The following REV1 variants were observed in gnomAD, a reference collection of about 807,000 sequenced individuals.
REV1 encodes REV1 DNA directed polymerase.
In REV1, 42 loss-of-function variants were observed where a neutral mutation model predicts 137.4. That is an observed-to-expected ratio of 0.31 (90% CI 0.24 to 0.40). The LOEUF is 0.40. Ranked by LOEUF, REV1 falls within the 10% of genes least tolerant of loss-of-function variation. The pLI, the probability that REV1 is intolerant of heterozygous loss-of-function variation, is 1.00. For synonymous variants in REV1, 524 were observed against 519.2 expected, an observed-to-expected ratio of 1.01 and a Z score of -0.12; for missense variants, 1,282 against 1,490.1, an observed-to-expected ratio of 0.86 and a Z score of 2.30.
chr2:99,489,690 C>T (rs1438355909), intron 1 of REV1, 127 bp downstream of exon 1: 2 of 149,516 alleles, frequency 1.3e-5, no homozygotes, highest in Non-Finnish European at 3.0e-5. Flanking sequence ...GGCGACGCAC[C>T]CCTCCCCCGC....
chr2:99,482,260 T>C (rs1166092990), intron 1 of REV1, among the ~76,000 whole-genome samples: 1 of 152,256 alleles, frequency 6.6e-6, no homozygotes, highest in Admixed American at 6.5e-5. Context: ...TGACACGTCC[T>C]GAGGACATGG....
Position 99,462,715 on chromosome 2 carries a change from T to C in REV1, c.55-93A>G, listed in dbSNP as rs771300346. On this transcript the variant is annotated intron_variant, in intron 2 of 22. Coordinates refer to ENST00000258428, the MANE Select transcript of REV1 (RefSeq NM_016316.4). ...AAATTTTAAAAACTAAATAAATAAA[T>C]GGACCTTATTCTGTGCTAGTGACCA... The C allele has an allele frequency of 4.6e-4, 580 of 1,267,144 alleles. 2 individuals are homozygous for C. Among genetic ancestry groups the C allele is most frequent in the South Asian group, 6.0e-4 (45 of 75,092 alleles). 78.5% of individuals were successfully genotyped at this position (1,267,144 alleles called of 1,614,324 possible).
intron 4 of REV1, among the ~76,000 whole-genome samples, chr2:99,445,287 G>A (rs1559361820): frequency 1.3e-5 from 2 of 152,158 alleles, no homozygotes; most frequent in Admixed American, 6.5e-5. Flanking sequence ...CATGACAAAC[G>A]TATATGGTTT....
At chr2:99,463,516 A>AT (rs1659214844) in intron 2 of REV1, among the ~76,000 whole-genome samples, 7 of 152,256 alleles carry the variant, frequency 4.6e-5, no homozygotes, top group Admixed American at 4.6e-4. Flanking sequence ...GCAAAACTGC[A>AT]TATCAAAACA....
Position 99,406,051 on chromosome 2 carries a change from G to C in REV1, c.2670C>G (p.Phe890Leu), listed in dbSNP as rs1480031315. 6.2e-7 allele frequency: 1 copy of C among 1,613,706 alleles called. No homozygotes were observed. The highest frequency in any genetic ancestry group is 1.7e-5 in the Admixed American group (1 of 59,926). ...EISSASRTCTFLPPFPAHLPT... is the reference protein window; with the variant it reads ...EISSASRTCTLLPPFPAHLPT... ...GCAGATGTGCAGGAAAAGGTGGCAAGAAAGTGCAAGTTCTAGAAGCAGATG... is the reference window on the plus strand; with the variant it reads ...GCAGATGTGCAGGAAAAGGTGGCAACAAAGTGCAAGTTCTAGAAGCAGATG... The change falls in exon 17 of 23, where the codon TTC (phenylalanine) becomes TTG (leucine). Residue 890 changes from phenylalanine to leucine, a missense_variant. Coordinates refer to ENST00000258428, the MANE Select transcript of REV1 (RefSeq NM_016316.4).
rs1683313356 is a variant in REV1 at position 99,454,564 on chromosome 2, A to AAAC, written c.182-5061_182-5060insGTT. On this transcript the variant is annotated intron_variant, in intron 3 of 22. Coordinates refer to ENST00000258428, the MANE Select transcript of REV1 (RefSeq NM_016316.4). The stretch of plus-strand genomic sequence containing the variant: ...AAACTCCAGCTCAAAAAAAAAAAAA[A>AAAC]AAAAAAAAAAAAAAAAAAAAAAAAA... 4.4e-5 allele frequency among the ~76,000 whole-genome samples: 6 copies of AAAC among 137,112 alleles called. 1 individual carries two copies. The highest frequency in any genetic ancestry group is 9.7e-5 in the Non-Finnish European group (6 of 61,872). 90.0% of individuals were successfully genotyped at this position (137,112 alleles called of 152,430 possible).
Position 99,402,869 on chromosome 2 carries a change from G to T in REV1, c.3384+20C>A, listed in dbSNP as rs1675674365. The T allele has an allele frequency of 1.2e-6, 2 of 1,612,728 alleles. No homozygotes were observed. The highest frequency in any genetic ancestry group is 2.7e-5 in the African/African-American group (2 of 74,750). On this transcript the variant is annotated intron_variant, in intron 20 of 22. Transcript: ENST00000258428. ...TCCAGGTATATTAAGATCTCATAAAGGTCAAAGTTAAGGAATTACCAGGGG... is the reference window on the plus strand; with the variant it reads ...TCCAGGTATATTAAGATCTCATAAATGTCAAAGTTAAGGAATTACCAGGGG...
At position 99,438,804 on chromosome 2, in the gene REV1, G is replaced by A. The variant is rs780549205; in HGVS notation, c.1010C>T (p.Pro337Leu). The change falls in exon 6 of 23, where the codon CCT (proline) becomes CTT (leucine). Residue 337 changes from proline to leucine, a missense_variant. By Grantham distance (98) the Pro-to-Leu change is moderately conservative. Transcript: ENST00000258428. Reference sequence around the variant, plus strand: ...GTCTGAAGGTTTGGATGGCACTGAAGGTGCTGCCTTGCTAAACGTAGATAC... The same window carrying A: ...GTCTGAAGGTTTGGATGGCACTGAAAGTGCTGCCTTGCTAAACGTAGATAC... ...SSVSTFSKAA[P>L]SVPSKPSDCN... 5.6e-6 allele frequency: 9 copies of A among 1,614,258 alleles called. No individual in the cohort carries two copies. The Admixed American group carries it at 1.0e-4, about 18-fold the overall frequency.
chr2:99,407,720 T>C (rs966990658), intron 15 of REV1, among the ~76,000 whole-genome samples: 2 of 152,186 alleles, frequency 1.3e-5, no homozygotes, highest in African/African-American at 2.4e-5. Flanking sequence ...AAAATTTATG[T>C]ATTCATATTC....
At chr2:99,405,759 A>G (rs761700172) in intron 17 of REV1, 151 bp downstream of exon 17, 5 of 503,402 alleles carry the variant, frequency 9.9e-6, no homozygotes, top group Non-Finnish European at 1.3e-5. Context: ...AGAATCCAAC[A>G]TCATGATCTA....
chr2:99,414,774 A>C (rs921509268), intron 12 of REV1, among the ~76,000 whole-genome samples: 1 of 152,190 alleles, frequency 6.6e-6, no homozygotes, highest in Non-Finnish European at 1.5e-5. Flanking sequence ...TTTCCGTTAC[A>C]GTTCTGGGGA....
chr2:99,410,448 G>A (rs1446802220), intron 14 of REV1, among the ~76,000 whole-genome samples: 1 of 152,200 alleles, frequency 6.6e-6, no homozygotes, highest in Non-Finnish European at 1.5e-5. Flanking sequence ...ACAGCCCAAA[G>A]ATGCCAAGCA....
At chr2:99,411,099 C>G (rs1248327945) in intron 13 of REV1, among the ~76,000 whole-genome samples, 1 of 152,026 alleles carries the variant, frequency 6.6e-6, no homozygotes, top group Non-Finnish European at 1.5e-5. Context: ...ACCAGCCTGG[C>G]CAACGTGGTG....
intron 12 of REV1, among the ~76,000 whole-genome samples, chr2:99,415,483 T>G (rs1017333408): frequency 1.3e-5 from 2 of 152,106 alleles, no homozygotes; most frequent in Non-Finnish European, 2.9e-5. Flanking sequence ...AGGAGTAAAC[T>G]TCAAAGAATA....
chr2:99,423,671 AT>A (rs1003944795), intron 10 of REV1, among the ~76,000 whole-genome samples: 1 of 152,202 alleles, frequency 6.6e-6, no homozygotes, highest in African/African-American at 2.4e-5. Flanking sequence ...TTTTGAAACT[AT>A]TATTAAAGAC....
rs748001453 is a variant in REV1 at position 99,435,673 on chromosome 2, A to C, written c.1321+161T>G. Reference sequence around the variant, plus strand: ...CCCTATAGGGAGAAAGAAAAACTCTAATTTCCCTATACCTTCCCTGATAAT... The same window carrying C: ...CCCTATAGGGAGAAAGAAAAACTCTCATTTCCCTATACCTTCCCTGATAAT... On this transcript the variant is annotated intron_variant, in intron 7 of 22. Coordinates refer to ENST00000258428, the MANE Select transcript of REV1 (RefSeq NM_016316.4). The C allele has an allele frequency of 1.4e-5, 7 of 495,614 alleles. No homozygotes were observed. In the South Asian group the frequency reaches 2.1e-4, roughly 15 times the overall value. 30.7% of individuals were successfully genotyped at this position (495,614 alleles called of 1,614,324 possible). A position where few individuals can be genotyped will look rare whatever the true frequency, so the allele number is the denominator to read the frequency against.
chr2:99,424,712 C>A, intron 9 of REV1: 1 of 1,267,248 alleles, frequency 7.9e-7, no homozygotes. Flanking sequence ...AGAATATAAA[C>A]AAAAGAACTA....
chr2:99,416,578 T>C (rs1227823278), intron 12 of REV1, among the ~76,000 whole-genome samples: 1 of 152,112 alleles, frequency 6.6e-6, no homozygotes, highest in Non-Finnish European at 1.5e-5. Context: ...CCTTAGGAAA[T>C]TCAAGGCTGT....
At chr2:99,437,971 T>C (rs1680973684) in intron 6 of REV1, among the ~76,000 whole-genome samples, 1 of 151,914 alleles carries the variant, frequency 6.6e-6, no homozygotes, top group Non-Finnish European at 1.5e-5. Context: ...ATCTCTGAGG[T>C]CTCTCCCCAT....
Sources: gnomAD v4.1 joint callset for allele counts (sites outside exome capture counted in the v4.1 genomes callset) on GRCh38, gnomAD v4.1.1 for gene constraint, MANE v1.5 for transcripts, NCBI Gene and HGNC (gene_info 2026-07-23, HGNC 2026-07-21) for gene names.